The following AUTS2 variants were observed in gnomAD, a reference collection of about 807,000 sequenced individuals.
AUTS2 encodes activator of transcription and developmental regulator AUTS2.
AUTS2 carries 17 observed loss-of-function variants against 112.4 expected under a neutral mutation model. The observed-to-expected ratio is 0.15, with a 90% CI of 0.10 to 0.23. AUTS2 has a LOEUF of 0.23. AUTS2 is among the 10% of genes least tolerant of loss of function. The pLI, the probability that AUTS2 is intolerant of heterozygous loss-of-function variation, is 1.00. For missense variants in AUTS2, 1,510 were observed against 1,701.6 expected (o/e 0.89, Z 1.98); for synonymous variants, 751 against 702.7 (o/e 1.07, Z -1.09).
chr7:70,539,399 C>A (rs1283173065), intron 5 of AUTS2, among the ~76,000 whole-genome samples: 4 of 152,202 alleles, frequency 2.6e-5, no homozygotes, highest in African/African-American at 9.6e-5. Flanking sequence ...GCCAGCCCTT[C>A]TTTGAAAAGC....
intron 5 of AUTS2, among the ~76,000 whole-genome samples, chr7:70,516,017 C>G (rs1585242931): frequency 6.6e-6 from 1 of 152,180 alleles, no homozygotes; most frequent in African/African-American, 2.4e-5. Context: ...CTGCCCTGCT[C>G]TAAGGGTAGG....
At chr7:69,769,763 A>T (rs1253263299) in intron 1 of AUTS2, among the ~76,000 whole-genome samples, 1 of 152,214 alleles carries the variant, frequency 6.6e-6, no homozygotes, top group Non-Finnish European at 1.5e-5. Context: ...TAAACAAGGG[A>T]CATAAACTAA....
intron 6 of AUTS2, among the ~76,000 whole-genome samples, chr7:70,731,522 C>T (rs965743966): frequency 7.4e-5 from 11 of 149,162 alleles, no homozygotes; most frequent in South Asian, 2.1e-4. Flanking sequence ...CTCTGCCTCC[C>T]GGGTTCATGC....
chr7:69,965,800 G>A (rs1272192670), intron 2 of AUTS2, among the ~76,000 whole-genome samples: 1 of 152,014 alleles, frequency 6.6e-6, no homozygotes, highest in African/African-American at 2.4e-5. Context: ...GTTACTAACT[G>A]GAATTAGAAT....
intron 1 of AUTS2, among the ~76,000 whole-genome samples, chr7:69,617,682 A>G (rs1793453125): frequency 6.6e-6 from 1 of 152,248 alleles, no homozygotes; most frequent in South Asian, 2.1e-4. Flanking sequence ...ATGTATAAAC[A>G]AGAGCACATC....
chr7:69,894,107 G>T (rs1345494726), intron 1 of AUTS2, among the ~76,000 whole-genome samples: 1 of 152,038 alleles, frequency 6.6e-6, no homozygotes, highest in East Asian at 1.9e-4. Context: ...CATCTGTTGT[G>T]CATGGCTTGT....
chr7:70,136,892 C>T (rs1048774130), intron 4 of AUTS2, among the ~76,000 whole-genome samples: 5 of 152,166 alleles, frequency 3.3e-5, no homozygotes, highest in Non-Finnish European at 7.4e-5. Context: ...CTTTTGTCAA[C>T]AGAGGTAAGA....
intron 1 of AUTS2, among the ~76,000 whole-genome samples, chr7:69,828,500 T>C (rs1205402371): frequency 6.6e-6 from 1 of 152,164 alleles, no homozygotes; most frequent in East Asian, 1.9e-4. Flanking sequence ...GTCCATTCCA[T>C]TTTGGGACTT....
chr7:70,623,327 T>C (rs914545222), intron 5 of AUTS2, among the ~76,000 whole-genome samples: 1 of 152,250 alleles, frequency 6.6e-6, no homozygotes, highest in Non-Finnish European at 1.5e-5. Flanking sequence ...AAGGTTTATC[T>C]ACAGCTAGGG....
chr7:69,758,908 C>T (rs963211257), intron 1 of AUTS2, among the ~76,000 whole-genome samples: 4 of 152,148 alleles, frequency 2.6e-5, no homozygotes, highest in Non-Finnish European at 5.9e-5. Flanking sequence ...CAGCAACTCA[C>T]CTCTTCATGC....
At position 70,117,104 on chromosome 7, in the gene AUTS2, G is replaced by GTTTTGTTTTTTT. The variant is rs1562710088; in HGVS notation, c.523-1024_523-1023insGTTTTTTTTTTT. 3.8e-5 allele frequency among the ~76,000 whole-genome samples: 3 copies of GTTTTGTTTTTTT among 78,460 alleles called. 1 individual carries two copies. Among genetic ancestry groups the GTTTTGTTTTTTT allele is most frequent in the Non-Finnish European group, 8.1e-5 (3 of 36,880 alleles). 51.5% of individuals were successfully genotyped at this position (78,460 alleles called of 152,430 possible). ...ACGTAAACTTCATGAGATGACTTTTGTTTTTTTTTTTTGTTTTTTTTTGTT... is the reference window on the plus strand; with the variant it reads ...ACGTAAACTTCATGAGATGACTTTTGTTTTGTTTTTTTTTTTTTTTTTTTGTTTTTTTTTGTT... On this transcript the variant is annotated intron_variant, in intron 2 of 18. Coordinates refer to ENST00000342771, the MANE Select transcript of AUTS2 (RefSeq NM_015570.4).
intron 2 of AUTS2, among the ~76,000 whole-genome samples, chr7:69,924,138 A>G (rs1795917862): frequency 6.6e-6 from 1 of 151,670 alleles, no homozygotes; most frequent in Non-Finnish European, 1.5e-5. Context: ...TCAGAATTTT[A>G]ATCAAGAATG....
At chr7:70,155,856 G>A (rs1807720029) in intron 4 of AUTS2, among the ~76,000 whole-genome samples, 1 of 152,150 alleles carries the variant, frequency 6.6e-6, no homozygotes, top group Non-Finnish European at 1.5e-5. Flanking sequence ...GAGTTCATGT[G>A]TAGAAGAATC....
At chr7:70,593,015 C>CT (rs111474995) in intron 5 of AUTS2, among the ~76,000 whole-genome samples, 75 of 145,452 alleles carry the variant, frequency 5.2e-4, no homozygotes, top group Middle Eastern at 3.6e-3. Flanking sequence ...ATGCTAGCTA[C>CT]TTTTTTTTTT....
chr7:69,859,276 T>G (rs945431141), intron 1 of AUTS2, among the ~76,000 whole-genome samples: 1 of 152,164 alleles, frequency 6.6e-6, no homozygotes, highest in Non-Finnish European at 1.5e-5. Flanking sequence ...GAAAAAGAAA[T>G]AAAGTTAGAG....
At position 70,633,620 on chromosome 7, in the gene AUTS2, A is replaced by AT. The variant is rs1398280692; in HGVS notation, c.691-64949_691-64948insT. Among the ~76,000 whole-genome samples the AT allele has an allele frequency of 3.3e-5, 5 of 151,846 alleles. No homozygotes were observed. The East Asian group carries it at 9.7e-4, about 30-fold the overall frequency. ...AGCAAGACTCCGTCTCAAAAAAAAA[A>AT]AAAAAAAAAGGACAGAACACATGGA... On this transcript the variant is annotated intron_variant, in intron 5 of 18. Coordinates refer to ENST00000342771, the MANE Select transcript of AUTS2 (RefSeq NM_015570.4).
chr7:69,959,210 C>T (rs144320104), intron 2 of AUTS2, among the ~76,000 whole-genome samples: 10 of 152,124 alleles, frequency 6.6e-5, no homozygotes, highest in Admixed American at 5.2e-4. Flanking sequence ...TCAAAACTCT[C>T]GTATTGTTCC....
chr7:70,771,460 T>C, intron 10 of AUTS2, 89 bp from the exon 11 acceptor site: 3 of 1,103,766 alleles, frequency 2.7e-6, no homozygotes, highest in Non-Finnish European at 2.6e-6. Context: ...GGCTTGCTCA[T>C]GTCGATGTCT....
At chr7:69,731,561 CATTT>C (rs1206149170) in intron 1 of AUTS2, among the ~76,000 whole-genome samples, 1 of 152,162 alleles carries the variant, frequency 6.6e-6, no homozygotes, top group East Asian at 1.9e-4. Context: ...ATTTGTATAA[CATTT>C]ATGACCTACA....
Sources: allele counts gnomAD v4.1 joint callset (sites outside exome capture counted in the v4.1 genomes callset), GRCh38; gene constraint gnomAD v4.1.1; transcripts MANE v1.5; gene names NCBI Gene and HGNC (gene_info 2026-07-23, HGNC 2026-07-21).